The following IKBIP variants were observed in gnomAD, a reference collection of about 807,000 sequenced individuals.
IKBIP encodes IKBKB interacting protein.
In IKBIP, 28 loss-of-function variants were observed where a neutral mutation model predicts 31.0. That is an observed-to-expected ratio of 0.90 (90% CI 0.67 to 1.24). IKBIP has a LOEUF of 1.24. IKBIP is among the 50% of genes most tolerant of loss of function. IKBIP has a pLI of 0.00. For synonymous variants in IKBIP, 164 were observed against 160.3 expected (o/e 1.02, Z -0.17); for missense variants, 453 against 441.9 (o/e 1.03, Z -0.23).
At chr12:98,627,676 G>C (rs59998433) in intron 2 of IKBIP, among the ~76,000 whole-genome samples, 4 of 152,092 alleles carry the variant, frequency 2.6e-5, no homozygotes, top group African/African-American at 7.2e-5. Flanking sequence ...CTGACCTCGT[G>C]ATCCGCCCAC....
intron 2 of IKBIP, among the ~76,000 whole-genome samples, chr12:98,617,604 C>G (rs1008226540): frequency 6.6e-6 from 1 of 151,986 alleles, no homozygotes; most frequent in African/African-American, 2.4e-5. Context: ...GGGTAGATCT[C>G]ATAAACCACA....
rs2153296845 is a variant in IKBIP, at chr12:98,626,215, AAC to A, written c.847_848del (p.Val283SerfsTer23). The A allele has an allele frequency of 6.2e-7, 1 of 1,613,998 alleles. No individual in the cohort carries two copies. Among genetic ancestry groups the A allele is most frequent in the African/African-American group, 1.3e-5 (1 of 75,064 alleles). On this transcript the variant is annotated frameshift_variant, in exon 3 of 3. Coordinates refer to ENST00000299157, the MANE Select transcript of IKBIP (RefSeq NM_153687.4). LOFTEE classifies it high-confidence loss of function. ...LPTIESAIHS[V>X]LRVSQDLIET... Reference sequence around the variant, plus strand: ...CTATCAGATCCTGAGAGACTCTGAGAACAGAGTGAATAGCACTTTCAATTGTT... The same window carrying A: ...CTATCAGATCCTGAGAGACTCTGAGAAGAGTGAATAGCACTTTCAATTGTT...
chr12:98,632,270 A>G (rs946893141), intron 2 of IKBIP, among the ~76,000 whole-genome samples: 5 of 151,326 alleles, frequency 3.3e-5, no homozygotes, highest in Non-Finnish European at 5.9e-5. Flanking sequence ...GGAGTTTGAT[A>G]CCAGCCTGGG....
At chr12:98,627,005 G>A (rs116564705) in intron 2 of IKBIP, among the ~76,000 whole-genome samples, 279 of 152,254 alleles carry the variant, frequency 1.8e-3, no homozygotes, top group African/African-American at 6.0e-3. Flanking sequence ...ATCTCACCCT[G>A]TCACCCAGGA....
chr12:98,628,688 G>A (rs1028805375), intron 2 of IKBIP, among the ~76,000 whole-genome samples: 5 of 152,202 alleles, frequency 3.3e-5, no homozygotes, highest in African/African-American at 1.2e-4. Flanking sequence ...AGACAGTGGA[G>A]ACAAATACAG....
At position 98,626,380 on chromosome 12, in the gene IKBIP, C is replaced by G; in HGVS notation, c.684G>C (p.Glu228Asp). Residue 228 changes from glutamate to aspartate, a missense_variant, in exon 3 of 3, where the codon GAG becomes GAC. Coordinates refer to ENST00000299157, the MANE Select transcript of IKBIP (RefSeq NM_153687.4). ...RQEEEDLLRV[E>D]EQLGSDTKAI... ...CCTTTGTATCAGAGCCTAGCTGCTCCTCTACTCGCAGGAGATCTTCTTCTT... is the reference window on the plus strand; with the variant it reads ...CCTTTGTATCAGAGCCTAGCTGCTCGTCTACTCGCAGGAGATCTTCTTCTT... The G allele has an allele frequency of 3.1e-6, 5 of 1,613,926 alleles. No individual in the cohort carries two copies. The highest frequency in any genetic ancestry group is 4.2e-6 in the Non-Finnish European group (5 of 1,180,026).
intron 1 of IKBIP, among the ~76,000 whole-genome samples, chr12:98,637,534 G>A (rs183594458): frequency 1.4e-3 from 218 of 150,862 alleles, no homozygotes; most frequent in African/African-American, 4.9e-3. Flanking sequence ...TCAGCCTCCC[G>A]AGTAGCTGGG....
Position 98,614,246 on chromosome 12 carries a change from G to A in IKBIP, c.392C>T (p.Thr131Ile), listed in dbSNP as rs764509800. Residue 131 changes from threonine to isoleucine, a missense_variant, in exon 3 of 3, where the codon ACT (threonine) becomes ATT (isoleucine). By Grantham distance (89) the Thr-to-Ile change is moderately conservative. Transcript: ENST00000342502. ...TTTTTCAGTTATCCTATTGGACCAA[G>A]TTTTTACCTCATTAATTTCTTCCTG... 20 of 1,612,806 alleles carry A rather than the reference G, an allele frequency of 1.2e-5. 1 individual carries two copies. The highest frequency in any genetic ancestry group is 2.2e-5 in the South Asian group (2 of 90,970).
At chr12:98,627,745 T>C (rs1467153630) in intron 2 of IKBIP, among the ~76,000 whole-genome samples, 1 of 151,566 alleles carries the variant, frequency 6.6e-6, no homozygotes, top group Non-Finnish European at 1.5e-5. Flanking sequence ...GCCCTCGATG[T>C]CATTTTTATG....
At chr12:98,614,260 A>G (rs1449723053) in exon 3 of IKBIP, 1 of 1,611,420 alleles carries the variant, frequency 6.2e-7, no homozygotes, top group Non-Finnish European at 8.5e-7. Flanking sequence ...TTACCTCATT[A>G]ATTTCTTCCT....
chr12:98,634,013 CTAGA>C (rs2097623480), intron 2 of IKBIP, among the ~76,000 whole-genome samples: 1 of 152,138 alleles, frequency 6.6e-6, no homozygotes, highest in South Asian at 2.1e-4. Flanking sequence ...TTTCAATGCT[CTAGA>C]TACCTGACAC....
At chr12:98,638,495 G>C (rs1181070491) in intron 1 of IKBIP, among the ~76,000 whole-genome samples, 2 of 152,062 alleles carry the variant, frequency 1.3e-5, no homozygotes, top group Non-Finnish European at 1.5e-5. Flanking sequence ...GTCTTGTCTT[G>C]AACTCCTGGG....
At chr12:98,638,324 A>G (rs752978312) in intron 1 of IKBIP, among the ~76,000 whole-genome samples, 6 of 151,820 alleles carry the variant, frequency 4.0e-5, no homozygotes, top group Admixed American at 6.6e-5. Flanking sequence ...ATCTCACTCT[A>G]TTTCCCAGGC....
downstream of IKBIP, among the ~76,000 whole-genome samples, chr12:98,622,181 T>C (rs1216081847): frequency 6.6e-6 from 1 of 152,008 alleles, no homozygotes; most frequent in Non-Finnish European, 1.5e-5. Context: ...GTTAGTTCTC[T>C]CCTCTCCTGC....
At chr12:98,634,817 C>T (rs2097624304) in intron 1 of IKBIP, among the ~76,000 whole-genome samples, 1 of 150,100 alleles carries the variant, frequency 6.7e-6, no homozygotes, top group Admixed American at 6.7e-5. Context: ...TCACGCTATT[C>T]TCCTGCCTCA....
At chr12:98,638,476 T>C (rs760459631) in intron 1 of IKBIP, among the ~76,000 whole-genome samples, 1 of 152,118 alleles carries the variant, frequency 6.6e-6, no homozygotes, top group Non-Finnish European at 1.5e-5. Context: ...GGTCTTCCTA[T>C]GTTGCCCAGT....
Position 98,624,969 on chromosome 12 carries a change from T to G in IKBIP, c.*961A>C, listed in dbSNP as rs2097612922. On this transcript the variant is annotated 3_prime_UTR_variant, in exon 3 of 3. Coordinates refer to ENST00000299157, the MANE Select transcript of IKBIP (RefSeq NM_153687.4). The stretch of plus-strand genomic sequence containing the variant: ...ACAGGCACCCACCACCACGCCTGGC[T>G]AATTTTTTGTATTTTTTAGTAGAGA... 1 of 322,594 alleles carries G rather than the reference T, an allele frequency of 3.1e-6. No homozygotes were observed. The highest frequency in any genetic ancestry group is 2.2e-5 in the African/African-American group (1 of 44,578). The allele number at this position is 322,594 out of a possible 1,614,324, so 20.0% of individuals were successfully genotyped here. A position where few individuals can be genotyped will look rare whatever the true frequency, so the allele number is the denominator to read the frequency against.
At chr12:98,632,318 A>G (rs1182815712) in intron 2 of IKBIP, among the ~76,000 whole-genome samples, 1 of 148,696 alleles carries the variant, frequency 6.7e-6, no homozygotes, top group Non-Finnish European at 1.5e-5. Flanking sequence ...AAAATTAAAG[A>G]AAAAAAAATT....
In IKBIP at chr12:98,626,569, T is replaced by C. The variant is rs774062596; in HGVS notation, c.495A>G (p.Glu165=). ...TGAAAATGTCTGTATTAATGTTCAT[T>C]TCTTCTAGGCTTCTCTTCCAGAAAT... The part of the protein sequence containing the change: ...ITDFWKRSLE[E]MNINTDIFKS... Residue 165 remains glutamate, a synonymous_variant, in exon 3 of 3, where the codon GAA becomes GAG. Coordinates refer to ENST00000299157, the MANE Select transcript of IKBIP (RefSeq NM_153687.4). The C allele has an allele frequency of 1.9e-6, 3 of 1,613,414 alleles. No homozygotes were observed. Among genetic ancestry groups the C allele is most frequent in the South Asian group, 1.1e-5 (1 of 91,060 alleles).
Sources: gnomAD v4.1 joint callset for allele counts (sites outside exome capture counted in the v4.1 genomes callset) on GRCh38, gnomAD v4.1.1 for gene constraint, MANE v1.5 for transcripts, NCBI Gene and HGNC (gene_info 2026-07-23, HGNC 2026-07-21) for gene names.